The following MYCBP2 variants were observed in gnomAD, a reference collection of about 807,000 sequenced individuals.
The protein encoded by MYCBP2 is MYC binding protein 2.
MYCBP2 carries 120 observed loss-of-function variants against 525.3 expected under a neutral mutation model. That is an observed-to-expected ratio of 0.23 (90% confidence interval 0.20 to 0.27). The LOEUF (loss-of-function observed/expected upper bound fraction) is 0.27, where lower values mean the gene tolerates loss of function less well. Ranked by LOEUF, MYCBP2 falls within the 10% of genes least tolerant of loss-of-function variation. The probability of loss-of-function intolerance (pLI) is 1.00; values close to 1 mark genes in which losing one functional copy is unlikely to be tolerated. For synonymous variants in MYCBP2, 1,894 were observed against 1,955.8 expected, an observed-to-expected ratio of 0.97 and a Z score of 0.83; for missense variants, 4,149 against 5,657.1, an observed-to-expected ratio of 0.73 and a Z score of 8.55.
At chr13:77,180,503 T>C (rs2060119273) in intron 33 of MYCBP2, among the ~76,000 whole-genome samples, 185 bp from the exon 34 acceptor site, 1 of 152,254 alleles carries the variant, frequency 6.6e-6, no homozygotes, top group Admixed American at 6.5e-5. Flanking sequence ...GAATTATCTG[T>C]CTCTGCGTAT....
Position 77,140,856 on chromosome 13 carries a change from T to A in MYCBP2, c.7391A>T (p.Gln2464Leu), listed in dbSNP as rs1455765322. 1 of 1,610,216 alleles carries A rather than the reference T, an allele frequency of 6.2e-7. No individual in the cohort carries two copies. Among genetic ancestry groups the A allele is most frequent in the Non-Finnish European group, 8.5e-7 (1 of 1,178,592 alleles). The change falls in exon 50 of 83, where the codon CAG becomes CTG. Residue 2464 changes from glutamine to leucine, a missense_variant. By Grantham distance (113) the Gln-to-Leu change is moderately radical. This residue lies in a region of MYCBP2 where 692 missense variants were observed against 852.7 expected (regional missense o/e 0.81). Coordinates refer to ENST00000544440, the MANE Select transcript of MYCBP2 (RefSeq NM_015057.5). ...TCATTCTGCCCTAACCTTATTAGGC[T>A]GAGGTTCAGACTTTGGTTTGACCAA... ...TQLVKPKSEP[Q>L]PNKVRKFVAK...
intron 36 of MYCBP2, among the ~76,000 whole-genome samples, chr13:77,175,198 A>C (rs1300199348): frequency 6.6e-6 from 1 of 151,246 alleles, no homozygotes. Flanking sequence ...TCTCAAAAGT[A>C]CTGGAATTAC....
chr13:77,122,246 T>C (rs2050843329), intron 54 of MYCBP2, among the ~76,000 whole-genome samples: 1 of 152,044 alleles, frequency 6.6e-6, no homozygotes, highest in Non-Finnish European at 1.5e-5. Flanking sequence ...TCCATATTAA[T>C]GCCAGCCAAA....
Position 77,121,573 on chromosome 13 carries a change from A to G in MYCBP2, c.8018-78T>C, listed in dbSNP as rs1031626232. 24 of 1,329,246 alleles carry G rather than the reference A, an allele frequency of 1.8e-5. No individual in the cohort carries two copies. The Admixed American group carries it at 5.6e-4, about 31-fold the overall frequency. 82.3% of individuals were successfully genotyped at this position (1,329,246 alleles called of 1,614,324 possible). ...TCATACAACAAAGAGAGAAAATTGC[A>G]AAAGATTTTATGATGGTTAGATTTT... On this transcript the variant is annotated intron_variant, in intron 54 of 82. Coordinates refer to ENST00000544440, the MANE Select transcript of MYCBP2 (RefSeq NM_015057.5).
At chr13:77,202,674 C>T (rs1036966437) in intron 26 of MYCBP2, among the ~76,000 whole-genome samples, 1 of 151,838 alleles carries the variant, frequency 6.6e-6, no homozygotes, top group Non-Finnish European at 1.5e-5. Flanking sequence ...AATCCAGCAG[C>T]ACATCAAAAA....
intron 4 of MYCBP2, among the ~76,000 whole-genome samples, chr13:77,277,345 C>A (rs190639830): frequency 2.1e-3 from 317 of 152,232 alleles, no homozygotes; most frequent in Admixed American, 4.1e-3. Context: ...ATAACAATAA[C>A]CAACACGGTG....
At chr13:77,221,555 C>T (rs754428241) in intron 20 of MYCBP2, among the ~76,000 whole-genome samples, 1 of 152,124 alleles carries the variant, frequency 6.6e-6, no homozygotes. Context: ...TCTGGCAAGA[C>T]CATGAAATAC....
intron 52 of MYCBP2, among the ~76,000 whole-genome samples, chr13:77,127,841 G>A (rs140947279): frequency 1.3e-5 from 2 of 151,656 alleles, no homozygotes; most frequent in South Asian, 4.2e-4. Flanking sequence ...GACTGGTCAG[G>A]GAAAATGTTA....
intron 1 of MYCBP2, among the ~76,000 whole-genome samples, chr13:77,312,057 C>A (rs1437453347): frequency 6.6e-6 from 1 of 152,008 alleles, no homozygotes; most frequent in Non-Finnish European, 1.5e-5. Context: ...GATTTTTCAC[C>A]AGAAATCAGA....
At chr13:77,294,104 C>CTATATACA (rs2077777877) in intron 2 of MYCBP2, among the ~76,000 whole-genome samples, 1 of 41,920 alleles carries the variant, frequency 2.4e-5, no homozygotes, top group Non-Finnish European at 5.2e-5. Flanking sequence ...GATATAATGG[C>CTATATACA]TATATATATA....
intron 42 of MYCBP2, among the ~76,000 whole-genome samples, chr13:77,164,771 T>C (rs577515382): frequency 6.6e-6 from 1 of 152,340 alleles, no homozygotes; most frequent in Non-Finnish European, 1.5e-5. Flanking sequence ...ATTCATGACT[T>C]TGGCCCACTT....
chr13:77,077,139 G>C lies in MYCBP2; in HGVS notation c.11724+9C>G, dbSNP rs763020970. The C allele has an allele frequency of 1.2e-6, 2 of 1,612,276 alleles. No homozygotes were observed. The highest frequency in any genetic ancestry group is 2.2e-5 in the South Asian group (2 of 90,948). On this transcript the variant is annotated intron_variant, in intron 67 of 82. Coordinates refer to ENST00000544440, the MANE Select transcript of MYCBP2 (RefSeq NM_015057.5). ...ATCCTGTGCTAGAATATGTTGTAAG[G>C]ACACTCACTTGAGACGTAATCAGTC...
At chr13:77,278,361 T>C (rs2075844324) in intron 4 of MYCBP2, among the ~76,000 whole-genome samples, 1 of 152,238 alleles carries the variant, frequency 6.6e-6, no homozygotes, top group Non-Finnish European at 1.5e-5. Context: ...TTCATCATAC[T>C]AATTGAGAAA....
At chr13:77,157,449 C>A (rs1051151268) in intron 45 of MYCBP2, among the ~76,000 whole-genome samples, 1 of 152,172 alleles carries the variant, frequency 6.6e-6, no homozygotes, top group Non-Finnish European at 1.5e-5. Flanking sequence ...GTCTTCAACT[C>A]CTATGCTCTA....
At chr13:77,046,456 A>C (rs1442153678) in intron 82 of MYCBP2, among the ~76,000 whole-genome samples, 1 of 152,218 alleles carries the variant, frequency 6.6e-6, no homozygotes, top group Non-Finnish European at 1.5e-5. Context: ...TCAATGAGGA[A>C]TGACGTCTCA....
intron 62 of MYCBP2, among the ~76,000 whole-genome samples, chr13:77,085,752 A>AAG (rs774490126): frequency 6.6e-6 from 1 of 152,170 alleles, no homozygotes; most frequent in African/African-American, 2.4e-5. Context: ...TGGAGGATAA[A>AAG]AGAGCTCAGG....
chr13:77,226,596 TAC>T (rs1451297194), intron 18 of MYCBP2, among the ~76,000 whole-genome samples: 1 of 152,226 alleles, frequency 6.6e-6, no homozygotes, highest in Non-Finnish European at 1.5e-5. Context: ...TATGTGAATC[TAC>T]AGACACACAC....
intron 41 of MYCBP2, among the ~76,000 whole-genome samples, chr13:77,165,958 G>A (rs770979758): frequency 6.6e-5 from 10 of 152,116 alleles, no homozygotes; most frequent in Non-Finnish European, 1.2e-4. Flanking sequence ...TACAATGAAG[G>A]ACTTCAGTCC....
chr13:77,062,506 G>T (rs1046360704), intron 74 of MYCBP2, 90 bp downstream of exon 74: 42 of 1,063,698 alleles, frequency 3.9e-5, no homozygotes, highest in Non-Finnish European at 5.5e-5. Context: ...TTATGTTGAT[G>T]TGTTTTTTGT....
Sources: gnomAD v4.1 joint callset for allele counts (sites outside exome capture counted in the v4.1 genomes callset) on GRCh38, gnomAD v4.1.1 for gene constraint, gnomAD v4.1.1 regional missense constraint, MANE v1.5 for transcripts, NCBI Gene and HGNC (gene_info 2026-07-23, HGNC 2026-07-21) for gene names.